PCDH9: variants seen among roughly 807,000 people sequenced by gnomAD.
PCDH9 encodes protocadherin 9, also known as protocadherin-9.
Under a neutral mutation model 70.6 loss-of-function variants are expected in PCDH9, and 24 were observed. The observed-to-expected ratio is 0.34, with a 90% confidence interval of 0.25 to 0.48. The LOEUF (loss-of-function observed/expected upper bound fraction) is 0.48, where lower values mean the gene tolerates loss of function less well. Ranked by LOEUF, PCDH9 falls within the 20% of genes least tolerant of loss-of-function variation. PCDH9 has a pLI of 0.99. For synonymous variants in PCDH9, 562 were observed against 558.5 expected (o/e 1.01, Z -0.09); for missense variants, 1,281 against 1,503.6 (o/e 0.85, Z 2.45).
In PCDH9 at chr13:67,225,558, G is replaced by A. The variant is rs1373288614; in HGVS notation, c.2883C>T (p.His961=). Residue 961 remains histidine (H), a synonymous_variant, in exon 2 of 5, where the codon CAC becomes CAT. Transcript: ENST00000377865. ...KPDTPVSVKK[H]HVIQELPLDN... ...CCAAAGGGAGTTCCTGAATCACGTG[G>A]TGCTTTTTCACGGAAACTGGAGTGT... The A allele has an allele frequency of 2.2e-5, 35 of 1,614,028 alleles. No homozygotes were observed. The highest frequency in any genetic ancestry group is 2.4e-5 in the Non-Finnish European group (28 of 1,180,030).
At chr13:67,016,453 A>G (rs2084563081) in intron 2 of PCDH9, among the ~76,000 whole-genome samples, 1 of 152,182 alleles carries the variant, frequency 6.6e-6, no homozygotes, top group Non-Finnish European at 1.5e-5. Flanking sequence ...AATTTAAGAG[A>G]TGAATTTGAT....
At position 66,653,900 on chromosome 13, in the gene PCDH9, A is replaced by G. The variant is rs182013271; in HGVS notation, c.3139-22489T>C. 4.2e-3 allele frequency among the ~76,000 whole-genome samples: 632 copies of G among 149,990 alleles called. 20 individuals carry two copies. The East Asian group carries it at 0.082, about 20-fold the overall frequency. Reference sequence around the variant, plus strand: ...GGAGAATGGCTTGAACCCGGGAGGCAGAGCTTGCAGTGAGCTGAGATCGTG... The same window carrying G: ...GGAGAATGGCTTGAACCCGGGAGGCGGAGCTTGCAGTGAGCTGAGATCGTG... On this transcript the variant is annotated intron_variant, in intron 3 of 4. Transcript: ENST00000377865.
intron 3 of PCDH9, among the ~76,000 whole-genome samples, chr13:66,799,286 G>C (rs937061306): frequency 5.3e-5 from 8 of 152,188 alleles, no homozygotes; most frequent in African/African-American, 1.9e-4. Context: ...AGGAAGGTAA[G>C]CATACTGACG....
chr13:66,786,638 C>T (rs1340780838), intron 3 of PCDH9, among the ~76,000 whole-genome samples: 1 of 152,116 alleles, frequency 6.6e-6, no homozygotes, highest in Non-Finnish European at 1.5e-5. Context: ...CAAAATCATC[C>T]AAAGATACCC....
rs923343458 is a variant in PCDH9 at position 67,152,219 on chromosome 13, C to T, written c.3036+73186G>A. Among the ~76,000 whole-genome samples, 5 of 152,096 alleles carry T rather than the reference C, an allele frequency of 3.3e-5. 1 individual carries two copies. The East Asian group carries it at 7.7e-4, about 23-fold the overall frequency. On this transcript the variant is annotated intron_variant, in intron 2 of 4. Transcript: ENST00000377865. Reference sequence around the variant, plus strand: ...TGTATGTTTTACTGTTGATAGGAAACGGAACTCTGCCAGGCAGTGAACTAA... The same window carrying T: ...TGTATGTTTTACTGTTGATAGGAAATGGAACTCTGCCAGGCAGTGAACTAA...
intron 2 of PCDH9, among the ~76,000 whole-genome samples, chr13:66,961,141 C>G (rs563461504): frequency 4.7e-4 from 72 of 152,028 alleles, no homozygotes; most frequent in Non-Finnish European, 1.6e-4. Context: ...AAAAATAAAA[C>G]CAAAACAAAC....
intron 2 of PCDH9, among the ~76,000 whole-genome samples, chr13:66,924,939 C>A (rs1408564963): frequency 6.6e-6 from 1 of 151,576 alleles, no homozygotes; most frequent in Non-Finnish European, 1.5e-5. Context: ...TCAATACCGA[C>A]AAAGTACGAT....
intron 4 of PCDH9, among the ~76,000 whole-genome samples, chr13:66,465,992 A>G (rs1259288626): frequency 1.3e-5 from 2 of 152,000 alleles, no homozygotes. Context: ...AAGAAGCACC[A>G]AGTTCACTAA....
At chr13:67,146,028 GC>G (rs1414217061) in intron 2 of PCDH9, among the ~76,000 whole-genome samples, 1 of 152,036 alleles carries the variant, frequency 6.6e-6, no homozygotes, top group Admixed American at 6.5e-5. Flanking sequence ...CTGCTATAAA[GC>G]TGGCTTGCCT....
intron 2 of PCDH9, among the ~76,000 whole-genome samples, chr13:67,030,565 G>A (rs1028176554): frequency 1.3e-5 from 2 of 150,492 alleles, no homozygotes; most frequent in Non-Finnish European, 2.9e-5. Flanking sequence ...AAGATCAAAT[G>A]TTCTAGGTAA....
At chr13:66,633,777 T>TA (rs1337119193) in intron 3 of PCDH9, among the ~76,000 whole-genome samples, 1 of 151,746 alleles carries the variant, frequency 6.6e-6, no homozygotes, top group East Asian at 1.9e-4. Flanking sequence ...AAGACAGAAG[T>TA]AAAAAAGAAA....
chr13:67,179,470 C>T (rs911911775), intron 2 of PCDH9, among the ~76,000 whole-genome samples: 2 of 152,078 alleles, frequency 1.3e-5, no homozygotes, highest in Admixed American at 1.3e-4. Flanking sequence ...CACAACTGCT[C>T]AATGACTATG....
intron 2 of PCDH9, among the ~76,000 whole-genome samples, chr13:66,954,440 A>G (rs1376966232): frequency 6.6e-6 from 1 of 152,184 alleles, no homozygotes; most frequent in Non-Finnish European, 1.5e-5. Flanking sequence ...CACTTACTGC[A>G]TGGACTCCTA....
intron 2 of PCDH9, among the ~76,000 whole-genome samples, chr13:67,129,596 TATAC>T (rs1356564000): frequency 6.6e-6 from 1 of 151,112 alleles, no homozygotes; most frequent in Non-Finnish European, 1.5e-5. Flanking sequence ...GGCACAATCA[TATAC>T]TCTTCTCTAG....
chr13:66,901,124 C>G (rs990058240), intron 3 of PCDH9, among the ~76,000 whole-genome samples: 1 of 151,418 alleles, frequency 6.6e-6, no homozygotes, highest in Non-Finnish European at 1.5e-5. Flanking sequence ...AAAAAAAACT[C>G]GAAAGATGAC....
At chr13:67,007,236 T>C (rs576498114) in intron 2 of PCDH9, among the ~76,000 whole-genome samples, 1 of 152,066 alleles carries the variant, frequency 6.6e-6, no homozygotes, top group Non-Finnish European at 1.5e-5. Context: ...TTCAATGTCA[T>C]GGTATTGAAT....
intron 3 of PCDH9, among the ~76,000 whole-genome samples, chr13:66,882,847 A>G (rs894088540): frequency 1.3e-5 from 2 of 152,180 alleles, no homozygotes; most frequent in Non-Finnish European, 2.9e-5. Flanking sequence ...CATAAGGTCT[A>G]TCAGCCCACA....
intron 2 of PCDH9, among the ~76,000 whole-genome samples, chr13:67,060,351 C>G (rs920910927): frequency 2.0e-5 from 3 of 152,060 alleles, no homozygotes; most frequent in African/African-American, 4.8e-5. Flanking sequence ...TTTCCCCACA[C>G]GCTCACATCT....
At chr13:66,312,416 G>T (rs1955577725) in intron 4 of PCDH9, among the ~76,000 whole-genome samples, 1 of 151,996 alleles carries the variant, frequency 6.6e-6, no homozygotes, top group Non-Finnish European at 1.5e-5. Context: ...TTGGAGAAAA[G>T]CACGGACAAC....
Sources: gnomAD v4.1 joint callset for allele counts (sites outside exome capture counted in the v4.1 genomes callset) on GRCh38, gnomAD v4.1.1 for gene constraint, MANE v1.5 for transcripts, NCBI Gene and HGNC (gene_info 2026-07-23, HGNC 2026-07-21) for gene names.